Variants in TAFA2 observed in about 807,000 individuals in gnomAD.
TAFA2 encodes the protein chemokine-like protein TAFA-2.
A neutral mutation model predicts 18.8 loss-of-function variants in TAFA2; 7 were observed. The observed-to-expected ratio is 0.37, with a 90% CI of 0.21 to 0.70. The LOEUF is 0.70. Among genes scored for constraint, TAFA2 ranks in the 30% least tolerant of loss-of-function variants. The pLI is 0.53. For synonymous variants in TAFA2, 60 were observed against 54.2 expected (o/e 1.11, Z -0.47); for missense variants, 122 against 158.1 (o/e 0.77, Z 1.23).
intron 1 of TAFA2, among the ~76,000 whole-genome samples, chr12:61,922,977 C>G (rs1877121315): frequency 6.6e-6 from 1 of 152,182 alleles, no homozygotes; most frequent in South Asian, 2.1e-4. Context: ...ACAAAGCCAC[C>G]AGGAAGTTCA....
At chr12:61,730,064 T>G (rs1443704297) in intron 4 of TAFA2, among the ~76,000 whole-genome samples, 1 of 152,128 alleles carries the variant, frequency 6.6e-6, no homozygotes, top group East Asian at 1.9e-4. Context: ...CAAGGAGTAC[T>G]GTGATGTGAT....
chr12:62,139,518 A>G (rs1162095509), intron 1 of TAFA2, among the ~76,000 whole-genome samples: 4 of 152,184 alleles, frequency 2.6e-5, no homozygotes, highest in Non-Finnish European at 5.9e-5. Flanking sequence ...AATCTAATAT[A>G]AAATCAAACA....
At chr12:62,133,896 C>T (rs1870788090) in intron 1 of TAFA2, among the ~76,000 whole-genome samples, 1 of 152,038 alleles carries the variant, frequency 6.6e-6, no homozygotes, top group Non-Finnish European at 1.5e-5. Flanking sequence ...AGGCAAATAG[C>T]TTATCCATTT....
intron 2 of TAFA2, among the ~76,000 whole-genome samples, chr12:61,821,210 T>TGGTA (rs1565645630): frequency 1.3e-5 from 2 of 151,676 alleles, no homozygotes; most frequent in African/African-American, 4.8e-5. Flanking sequence ...TCTACACTAA[T>TGGTA]TGCTGTACAT....
intron 1 of TAFA2, among the ~76,000 whole-genome samples, chr12:62,251,820 A>G (rs926615749): frequency 6.6e-6 from 1 of 152,160 alleles, no homozygotes; most frequent in African/African-American, 2.4e-5. Flanking sequence ...CCTCTTTTCT[A>G]TTGAGAGTGA....
intron 1 of TAFA2, among the ~76,000 whole-genome samples, chr12:62,215,656 C>T (rs1480703861): frequency 7.5e-6 from 1 of 133,086 alleles, no homozygotes; most frequent in African/African-American, 2.8e-5. Flanking sequence ...AGAGGAAGAA[C>T]TTGTTTTTCT....
rs192866374 is a variant in TAFA2 at position 61,798,170 on chromosome 12, A to T, written c.107-43146T>A. Reference sequence around the variant, plus strand: ...TTTATTATTCTTTTTTTTGGTTTACATGCTGATCATGATCTATTAATTTGC... The same window carrying T: ...TTTATTATTCTTTTTTTTGGTTTACTTGCTGATCATGATCTATTAATTTGC... On this transcript the variant is annotated intron_variant, in intron 2 of 4. Coordinates refer to ENST00000416284, the MANE Select transcript of TAFA2 (RefSeq NM_178539.5). 1.8e-4 allele frequency among the ~76,000 whole-genome samples: 27 copies of T among 152,268 alleles called. No homozygotes were observed. In the East Asian group the frequency reaches 4.8e-3, roughly 27 times the overall value.
intron 4 of TAFA2, among the ~76,000 whole-genome samples, chr12:61,714,194 A>C (rs1170064743): frequency 6.6e-6 from 1 of 152,138 alleles, no homozygotes; most frequent in Admixed American, 6.6e-5. Context: ...TGGCCCTATG[A>C]TTGTTATGGT....
At chr12:61,816,902 G>T (rs950702831) in intron 2 of TAFA2, among the ~76,000 whole-genome samples, 1 of 151,058 alleles carries the variant, frequency 6.6e-6, no homozygotes, top group African/African-American at 2.5e-5. Context: ...GTATGCATAG[G>T]GTCTGGCACT....
intron 1 of TAFA2, chr12:62,252,511 C>G (rs1592421233): frequency 6.6e-6 from 1 of 152,282 alleles, no homozygotes; most frequent in East Asian, 1.9e-4. Flanking sequence ...ACAAAATCCC[C>G]AATTGGGTCA....
intron 1 of TAFA2, among the ~76,000 whole-genome samples, chr12:62,130,971 G>T (rs2136893965): frequency 6.6e-6 from 1 of 152,036 alleles, no homozygotes; most frequent in East Asian, 1.9e-4. Context: ...TCAACAAATT[G>T]CTTAACAAAA....
At chr12:62,075,251 A>G (rs1882731851) in intron 1 of TAFA2, among the ~76,000 whole-genome samples, 1 of 152,216 alleles carries the variant, frequency 6.6e-6, no homozygotes, top group Non-Finnish European at 1.5e-5. Context: ...TAAGGGGGAA[A>G]TAAGGAAAAA....
chr12:61,859,451 T>C (rs948229657), intron 2 of TAFA2, among the ~76,000 whole-genome samples: 1 of 152,162 alleles, frequency 6.6e-6, no homozygotes, highest in Non-Finnish European at 1.5e-5. Flanking sequence ...TTTGTTTTTG[T>C]TTTTGATTTT....
chr12:61,789,023 C>G (rs192503977), intron 2 of TAFA2, among the ~76,000 whole-genome samples: 1 of 151,638 alleles, frequency 6.6e-6, no homozygotes, highest in Non-Finnish European at 1.5e-5. Flanking sequence ...GTTTAAGTTC[C>G]TTGTAGATTC....
At chr12:62,093,018 T>A (rs542389432) in intron 1 of TAFA2, among the ~76,000 whole-genome samples, 1 of 152,182 alleles carries the variant, frequency 6.6e-6, no homozygotes, top group East Asian at 1.9e-4. Flanking sequence ...ATTTGCTTTT[T>A]AGTCCATTCG....
At chr12:61,761,087 T>C (rs901633461) in intron 2 of TAFA2, among the ~76,000 whole-genome samples, 2 of 151,982 alleles carry the variant, frequency 1.3e-5, no homozygotes, top group East Asian at 1.9e-4. Flanking sequence ...TTTGGCTCTA[T>C]GGTACCCCAG....
intron 1 of TAFA2, among the ~76,000 whole-genome samples, chr12:61,868,559 T>C (rs187189039): frequency 2.0e-5 from 3 of 152,260 alleles, no homozygotes; most frequent in Admixed American, 2.0e-4. Flanking sequence ...TTGTATTTTC[T>C]AGGTTACCCT....
rs576229327 is a variant in TAFA2 at position 61,909,971 on chromosome 12, CA to C, written c.-1-42546del. Among the ~76,000 whole-genome samples, 146 of 152,128 alleles carry C rather than the reference CA, an allele frequency of 9.6e-4. 1 individual carries two copies. Among genetic ancestry groups the C allele is most frequent in the Middle Eastern group, 3.4e-3 (1 of 294 alleles). ...TATTAAAGGAGGCTATGCAAAAGGA[CA>C]AAAATACGTAAGACAAATCCCTGAC... On this transcript the variant is annotated intron_variant, in intron 1 of 4. Transcript: ENST00000416284.
intron 1 of TAFA2, among the ~76,000 whole-genome samples, chr12:62,126,344 C>T (rs1196224434): frequency 6.6e-6 from 1 of 152,038 alleles, no homozygotes; most frequent in African/African-American, 2.4e-5. Flanking sequence ...GGGTGGCTCC[C>T]ATTTCTGCAC....
Sources: allele counts gnomAD v4.1 joint callset (sites outside exome capture counted in the v4.1 genomes callset), GRCh38; gene constraint gnomAD v4.1.1; transcripts MANE v1.5; gene names NCBI Gene and HGNC (gene_info 2026-07-23, HGNC 2026-07-21).